The following SPTA1 variants were observed in gnomAD, a reference collection of about 807,000 sequenced individuals.
SPTA1 encodes spectrin alpha, erythrocytic 1.
A neutral mutation model predicts 324.7 loss-of-function variants in SPTA1; 177 were observed. The ratio of observed to expected loss-of-function variants is 0.55; its 90% CI spans 0.48 to 0.62. The LOEUF (loss-of-function observed/expected upper bound fraction) is 0.62, where lower values mean the gene tolerates loss of function less well. Ranked by LOEUF, SPTA1 falls within the 20% of genes least tolerant of loss-of-function variation. The pLI is 0.00. For missense variants in SPTA1, 3,162 were observed against 2,883.6 expected (o/e 1.10, Z -2.21); for synonymous variants, 1,195 against 1,041.3 (o/e 1.15, Z -2.84).
At chr1:158,625,979 T>TGA (rs927155058) in intron 42 of SPTA1, among the ~76,000 whole-genome samples, 167 bp downstream of exon 42, 1 of 151,786 alleles carries the variant, frequency 6.6e-6, no homozygotes, top group African/African-American at 2.4e-5. Context: ...GCAAGATTCA[T>TGA]GAGAGAGAGG....
chr1:158,667,842 A>T lies in SPTA1; in HGVS notation c.2038+16T>A. 6.2e-7 allele frequency: 1 copy of T among 1,613,300 alleles called. No individual in the cohort carries two copies. The highest frequency in any genetic ancestry group is 8.5e-7 in the Non-Finnish European group (1 of 1,179,652). On this transcript the variant is annotated intron_variant, in intron 15 of 51. Transcript: ENST00000643759. ...AATTTAGAAAATGACCTTTCACCAA[A>T]ACCTCTGCTTTTTACCTTTCTGTTT...
At chr1:158,627,160 T>A (rs1377665734) in intron 40 of SPTA1, among the ~76,000 whole-genome samples, 153 bp from the exon 41 acceptor site, 2 of 152,020 alleles carry the variant, frequency 1.3e-5, no homozygotes, top group African/African-American at 4.8e-5. Flanking sequence ...AGGTAGGGAG[T>A]CATCTCTGTT....
Position 158,634,397 on chromosome 1 carries a change from G to A in SPTA1, c.5565+146C>T, listed in dbSNP as rs182723553. The A allele has an allele frequency of 7.1e-4, 875 of 1,229,542 alleles. 3 individuals carry two copies. The highest frequency in any genetic ancestry group is 5.4e-3 in the African/African-American group (361 of 66,820). 76.2% of individuals were successfully genotyped at this position (1,229,542 alleles called of 1,614,324 possible). The stretch of plus-strand genomic sequence containing the variant: ...TTACATGCTTGGACTTTAATTTTTC[G>A]TATTTAAAACTGTCAGGATTATTCG... On this transcript the variant is annotated intron_variant, in intron 39 of 51. Transcript: ENST00000643759.
chr1:158,637,679 A>G (rs898428690), intron 36 of SPTA1, among the ~76,000 whole-genome samples: 1 of 152,234 alleles, frequency 6.6e-6, no homozygotes, highest in African/African-American at 2.4e-5. Context: ...TATAAGATAT[A>G]CTGGATATAG....
At chr1:158,647,920 C>A (rs138953394) in intron 26 of SPTA1, among the ~76,000 whole-genome samples, 200 bp from the exon 27 acceptor site, 4 of 152,138 alleles carry the variant, frequency 2.6e-5, no homozygotes, top group African/African-American at 9.7e-5. Flanking sequence ...TACCATACTT[C>A]TTTTTAAAAA....
In SPTA1 at chr1:158,654,649, T is replaced by C. The variant is rs1176986724; in HGVS notation, c.2998A>G (p.Lys1000Glu). ...ARSPREVTMK[K>E]GDVLTLLSSI... ...CTGAGCAGCGTTAAGACATCACCTT[T>C]CTTCATGGTGACTTCTCGGGGGCTG... The change falls in exon 21 of 52, where the codon AAA (lysine) becomes GAA (glutamate). Residue 1000 changes from lysine to glutamate, a missense_variant. By Grantham distance (56) the Lys-to-Glu change is moderately conservative. Coordinates refer to ENST00000643759, the MANE Select transcript of SPTA1 (RefSeq NM_003126.4). The C allele has an allele frequency of 6.2e-7, 1 of 1,613,786 alleles. No individual in the cohort carries two copies. The highest frequency in any genetic ancestry group is 1.3e-5 in the African/African-American group (1 of 74,830).
intron 16 of SPTA1, among the ~76,000 whole-genome samples, chr1:158,665,104 T>G (rs1365400614): frequency 6.6e-6 from 1 of 152,182 alleles, no homozygotes; most frequent in Non-Finnish European, 1.5e-5. Flanking sequence ...CCAGCCACCC[T>G]AACTTTCCCA....
chr1:158,678,314 T>G (rs1347309154), intron 6 of SPTA1, 87 bp downstream of exon 6: 1 of 1,568,924 alleles, frequency 6.4e-7, no homozygotes, highest in Non-Finnish European at 8.8e-7. Context: ...CATTAATTGC[T>G]AACAGAAGTA....
chr1:158,647,991 G>A (rs1652125926), intron 26 of SPTA1, among the ~76,000 whole-genome samples: 2 of 152,144 alleles, frequency 1.3e-5, no homozygotes, highest in Admixed American at 1.3e-4. Flanking sequence ...ACCTCAATTA[G>A]GAAACCCAAG....
rs576783557 is a variant in SPTA1, at chr1:158,619,118, T to C, written c.6530+104A>G. Reference sequence around the variant, plus strand: ...AAGATATGGGGATTTTAGGGCAGAATACATGCTCTCAGAGTCTCTCCTCTT... The same window carrying C: ...AAGATATGGGGATTTTAGGGCAGAACACATGCTCTCAGAGTCTCTCCTCTT... On this transcript the variant is annotated intron_variant, in intron 45 of 51. Transcript: ENST00000643759. 3.6e-6 allele frequency: 4 copies of C among 1,115,506 alleles called. No homozygotes were observed. In the Admixed American group the frequency reaches 6.8e-5, roughly 19 times the overall value. 69.1% of individuals were successfully genotyped at this position (1,115,506 alleles called of 1,614,324 possible). A position where few individuals can be genotyped will look rare whatever the true frequency, so the allele number is the denominator to read the frequency against.
Position 158,678,449 on chromosome 1 carries a change from T to C in SPTA1, c.764A>G (p.Gln255Arg), listed in dbSNP as rs201115611. The C allele has an allele frequency of 2.3e-4, 379 of 1,613,704 alleles. No individual in the cohort carries two copies. Among genetic ancestry groups the C allele is most frequent in the Non-Finnish European group, 2.9e-4 (346 of 1,179,782 alleles). Reference protein sequence around the residue: ...AWERLRGLALQRQKALSNAAN... With the variant: ...AWERLRGLALRRQKALSNAAN... ...AGCATTGGACAGAGCTTTCTGTCTC[T>C]GGAGAGCCAAACCACGAAGGCGCTC... Residue 255 changes from glutamine to arginine, a missense_variant, in exon 6 of 52, where the codon CAG becomes CGG. By Grantham distance (43) the Gln-to-Arg change is conservative. Transcript: ENST00000643759.
chr1:158,668,458 C>G (rs1653774958), intron 14 of SPTA1, among the ~76,000 whole-genome samples: 1 of 152,152 alleles, frequency 6.6e-6, no homozygotes, highest in Non-Finnish European at 1.5e-5. Context: ...AGCCATAACT[C>G]ATCTAGTGAA....
At chr1:158,638,420 G>C (rs1006075464) in intron 35 of SPTA1, among the ~76,000 whole-genome samples, 179 bp from the exon 36 acceptor site, 1 of 152,162 alleles carries the variant, frequency 6.6e-6, no homozygotes, top group Non-Finnish European at 1.5e-5. Context: ...GGCCATATGT[G>C]GGAGCGATAG....
rs139562971 is a variant in SPTA1, at chr1:158,635,729, C to A, written c.5432+184G>T. On this transcript the variant is annotated intron_variant, in intron 38 of 51. Transcript: ENST00000643759. ...GTAGATTTAGAACAGAGGCAGTGAT[C>A]ATCGTGTCTGGGGTATATGGAGGAA... Among the ~76,000 whole-genome samples the A allele has an allele frequency of 9.2e-5, 14 of 152,286 alleles. No individual in the cohort carries two copies. The East Asian group carries it at 2.5e-3, about 27-fold the overall frequency.
Position 158,676,182 on chromosome 1 carries a change from G to A in SPTA1, c.1071C>T (p.Ala357=), listed in dbSNP as rs1405450048. 1.9e-6 allele frequency: 3 copies of A among 1,613,562 alleles called. No homozygotes were observed. Among genetic ancestry groups the A allele is most frequent in the Admixed American group, 1.7e-5 (1 of 59,960 alleles). ...DLVSSWEHIR[A]LATSRYEKLQ... ...GTTTTTCATATCTGCTGGTGGCCAG[G>A]GCACGAATATGCTCCCAGCTGGAGA... The change falls in exon 8 of 52, where the codon GCC becomes GCT. Residue 357 remains alanine, a synonymous_variant. Transcript: ENST00000643759.
chr1:158,686,272 T>C (rs2101961913), intron 1 of SPTA1, among the ~76,000 whole-genome samples: 1 of 152,332 alleles, frequency 6.6e-6, no homozygotes, highest in East Asian at 1.9e-4. Context: ...TCCCTACTTA[T>C]TCTCTCTGGG....
chr1:158,636,852 G>A, intron 36 of SPTA1, 91 bp from the exon 37 acceptor site: 1 of 1,601,840 alleles, frequency 6.2e-7, no homozygotes, highest in Non-Finnish European at 8.5e-7. Context: ...TGTGTGGCTG[G>A]TGGTGAGGGA....
chr1:158,643,002 A>G lies in SPTA1; in HGVS notation c.4443-26T>C, dbSNP rs1404660923. ...CTAGAGGACGGAGCCAAATCACTCT[A>G]TGCCCTCCTCCACCCTTCCCATGCT... On this transcript the variant is annotated intron_variant, in intron 31 of 51. Coordinates refer to ENST00000643759, the MANE Select transcript of SPTA1 (RefSeq NM_003126.4). 5 of 1,613,002 alleles carry G rather than the reference A, an allele frequency of 3.1e-6. No individual in the cohort carries two copies. In the African/African-American group the frequency reaches 4.0e-5, roughly 13 times the overall value.
chr1:158,682,934 T>C (rs534407281), intron 3 of SPTA1, among the ~76,000 whole-genome samples: 1 of 152,110 alleles, frequency 6.6e-6, no homozygotes, highest in Admixed American at 6.5e-5. Context: ...GTATGGTGTA[T>C]GAAAAGAAAG....
Sources: gnomAD v4.1 joint callset for allele counts (sites outside exome capture counted in the v4.1 genomes callset) on GRCh38, gnomAD v4.1.1 for gene constraint, MANE v1.5 for transcripts, NCBI Gene and HGNC (gene_info 2026-07-23, HGNC 2026-07-21) for gene names.